Variants in PAQR3 observed in about 807,000 individuals in gnomAD.
The protein encoded by PAQR3 is progestin and adipoQ receptor family member 3.
A neutral mutation model predicts 41.7 loss-of-function variants in PAQR3; 39 were observed. The ratio of observed to expected loss-of-function variants is 0.93; its 90% CI spans 0.72 to 1.22. The LOEUF is 1.22. PAQR3 is among the 50% of genes most tolerant of loss of function. The pLI, the probability that PAQR3 is intolerant of heterozygous loss-of-function variation, is 0.00. For synonymous variants in PAQR3, 140 were observed against 140.6 expected (o/e 1.00, Z 0.03); for missense variants, 366 against 385.6 (o/e 0.95, Z 0.42).
In PAQR3 at chr4:78,915,550, C is replaced by T. The variant is rs1734972667; in HGVS notation, c.*4989G>A. On this transcript the variant is annotated 3_prime_UTR_variant, in exon 6 of 6. Coordinates refer to ENST00000512733, the MANE Select transcript of PAQR3 (RefSeq NM_001040202.2). Reference sequence around the variant, plus strand: ...CTACTGTGAGAATGAGATGACATATCTACTGTGAGAATACCATAAATGATG... The same window carrying T: ...CTACTGTGAGAATGAGATGACATATTTACTGTGAGAATACCATAAATGATG... 6.6e-6 allele frequency: 1 copy of T among 151,736 alleles called. No homozygotes were observed. The highest frequency in any genetic ancestry group is 1.9e-4 in the East Asian group (1 of 5,184). The allele number at this position is 151,736 out of a possible 1,614,324, so 9.4% of individuals were successfully genotyped here. A position where few individuals can be genotyped will look rare whatever the true frequency, so the allele number is the denominator to read the frequency against.
In PAQR3 at chr4:78,916,263, T is replaced by C. The variant is rs1735063418; in HGVS notation, c.*4276A>G. ...GAATTCTGTCCCTGATTCACTGTTT[T>C]GTTTGAAATTTAAAGTTATTTTCTT... On this transcript the variant is annotated 3_prime_UTR_variant, in exon 6 of 6. Coordinates refer to ENST00000512733, the MANE Select transcript of PAQR3 (RefSeq NM_001040202.2). 1 of 151,980 alleles carries C rather than the reference T, an allele frequency of 6.6e-6. No homozygotes were observed. Among genetic ancestry groups the C allele is most frequent in the Admixed American group, 6.6e-5 (1 of 15,218 alleles). The allele number at this position is 151,980 out of a possible 1,614,324, so 9.4% of individuals were successfully genotyped here.
intron 2 of PAQR3, chr4:78,932,935 A>T (rs965709941): frequency 3.3e-6 from 1 of 302,736 alleles, no homozygotes; most frequent in Admixed American, 4.0e-5. Context: ...CACTCCATCA[A>T]GGTAGACAGA....
intron 11 of PAQR3, among the ~76,000 whole-genome samples, chr4:78,895,882 C>A (rs780664792): frequency 4.4e-4 from 67 of 152,030 alleles, no homozygotes; most frequent in Admixed American, 2.0e-3. Context: ...CCACCTTAGC[C>A]TCCTAAGAAG....
Position 78,930,164 on chromosome 4 carries a change from A to G in PAQR3, c.504+6T>C. The G allele has an allele frequency of 6.2e-7, 1 of 1,602,440 alleles. No individual in the cohort carries two copies. The highest frequency in any genetic ancestry group is 8.5e-7 in the Non-Finnish European group (1 of 1,176,168). Reference sequence around the variant, plus strand: ...GGTCGAATGTAAAATGTTTTCATCTACTTACGTTATTACAATAAAATGCGT... The same window carrying G: ...GGTCGAATGTAAAATGTTTTCATCTGCTTACGTTATTACAATAAAATGCGT... On this transcript the variant is annotated splice_donor_region_variant and intron_variant, in intron 3 of 5. Transcript: ENST00000512733.
At chr4:78,938,702 A>G (rs1737698157) in intron 1 of PAQR3, among the ~76,000 whole-genome samples, 1 of 152,100 alleles carries the variant, frequency 6.6e-6, no homozygotes, top group African/African-American at 2.4e-5. Flanking sequence ...AAAGAAAGGT[A>G]TACACCGGGC....
At chr4:78,892,443 C>A (rs1431309230) in intron 11 of PAQR3, among the ~76,000 whole-genome samples, 1 of 152,014 alleles carries the variant, frequency 6.6e-6, no homozygotes, top group African/African-American at 2.4e-5. Flanking sequence ...GTTTTTATAC[C>A]TAATGGTAGT....
At chr4:78,899,301 T>G (rs571748835) in intron 11 of PAQR3, 1 of 152,354 alleles carries the variant, frequency 6.6e-6, no homozygotes, top group East Asian at 1.9e-4. Context: ...GATTAGCAGA[T>G]TTTTGTTTCA....
chr4:78,913,353 A>C lies in PAQR3; in HGVS notation c.*7186T>G, dbSNP rs1176570626. The C allele has an allele frequency of 6.6e-6, 1 of 152,124 alleles. No individual in the cohort carries two copies. The highest frequency in any genetic ancestry group is 2.4e-5 in the African/African-American group (1 of 41,454). The allele number at this position is 152,124 out of a possible 1,614,324, so 9.4% of individuals were successfully genotyped here. A position where few individuals can be genotyped will look rare whatever the true frequency, so the allele number is the denominator to read the frequency against. ...CAATTTGCCTTTTTTTACACCACAA[A>C]TCCTAATTAGAAACTTGAGGTTTTA... On this transcript the variant is annotated 3_prime_UTR_variant, in exon 6 of 6. Coordinates refer to ENST00000512733, the MANE Select transcript of PAQR3 (RefSeq NM_001040202.2).
chr4:78,927,243 A>T (rs1227236274), intron 3 of PAQR3, among the ~76,000 whole-genome samples: 1 of 152,234 alleles, frequency 6.6e-6, no homozygotes, highest in Admixed American at 6.5e-5. Flanking sequence ...CAGCAAATGC[A>T]GCAGGAAGTT....
At chr4:78,921,356 A>G (rs1735640641) in intron 5 of PAQR3, among the ~76,000 whole-genome samples, 1 of 151,970 alleles carries the variant, frequency 6.6e-6, no homozygotes, top group Non-Finnish European at 1.5e-5. Context: ...ATACAGAGCT[A>G]TAATAATTTC....
chr4:78,901,017 A>T (rs1289099068), intron 11 of PAQR3, among the ~76,000 whole-genome samples: 3 of 152,148 alleles, frequency 2.0e-5, no homozygotes, highest in African/African-American at 7.2e-5. Context: ...ATCACAGATT[A>T]ACCATTTGAT....
In PAQR3 at chr4:78,915,015, T is replaced by C. The variant is rs565012350; in HGVS notation, c.*5524A>G. 1 of 152,172 alleles carries C rather than the reference T, an allele frequency of 6.6e-6. No homozygotes were observed. Among genetic ancestry groups the C allele is most frequent in the African/African-American group, 2.4e-5 (1 of 41,548 alleles). 9.4% of individuals were successfully genotyped at this position (152,172 alleles called of 1,614,324 possible). ...GCTTTTTATGGCATTGAAGAATGTA[T>C]CTGCTAAGACACAAAAATTGCATGG... On this transcript the variant is annotated 3_prime_UTR_variant, in exon 6 of 6. Transcript: ENST00000512733.
chr4:78,936,555 T>C (rs1737446446), intron 1 of PAQR3, among the ~76,000 whole-genome samples: 2 of 152,210 alleles, frequency 1.3e-5, no homozygotes, highest in African/African-American at 4.8e-5. Flanking sequence ...ACATGATGTA[T>C]ATAGCAAGGT....
chr4:78,918,092 C>CACAACCATATAAATTGCTAGACAATTTAA lies in PAQR3; in HGVS notation c.*2418_*2446dup, dbSNP rs1376160820. The CACAACCATATAAATTGCTAGACAATTTAA allele has an allele frequency of 8.2e-6, 8 of 975,344 alleles. No homozygotes were observed. In the African/African-American group the frequency reaches 1.4e-4, roughly 17 times the overall value. 60.4% of individuals were successfully genotyped at this position (975,344 alleles called of 1,614,324 possible). On this transcript the variant is annotated 3_prime_UTR_variant, in exon 6 of 6. Transcript: ENST00000512733. ...ATAATTGTTTCTTAAATGAGTTAAC[C>CACAACCATATAAATTGCTAGACAATTTAA]ACAACCATATAAATTGCTAGACAAT...
intron 4 of PAQR3, 85 bp from the exon 5 acceptor site, chr4:78,924,032 G>A: frequency 9.6e-7 from 1 of 1,041,684 alleles, no homozygotes; most frequent in South Asian, 1.4e-5. Flanking sequence ...TGGGATTTAA[G>A]ATTGTTAAAT....
chr4:78,895,606 TAAG>T (rs1390374851), intron 11 of PAQR3, among the ~76,000 whole-genome samples: 1 of 150,832 alleles, frequency 6.6e-6, no homozygotes, highest in African/African-American at 2.4e-5. Context: ...TGGGAAAAAA[TAAG>T]AAGATGGATC....
At position 78,917,900 on chromosome 4, in the gene PAQR3, C is replaced by CTGT. The variant is rs1306521699; in HGVS notation, c.*2636_*2638dup. ...CTGATTCTAAAATATGATTTTAAAG[C>CTGT]TGTTATGTATTACAAAGAATGACAA... On this transcript the variant is annotated 3_prime_UTR_variant, in exon 6 of 6. Coordinates refer to ENST00000512733, the MANE Select transcript of PAQR3 (RefSeq NM_001040202.2). 25 of 984,218 alleles carry CTGT rather than the reference C, an allele frequency of 2.5e-5. No individual in the cohort carries two copies. Among genetic ancestry groups the CTGT allele is most frequent in the East Asian group, 1.1e-4 (1 of 8,820 alleles). 61.0% of individuals were successfully genotyped at this position (984,218 alleles called of 1,614,324 possible).
Position 78,918,774 on chromosome 4 carries a change from CTT to C in PAQR3, c.*1763_*1764del. The C allele has an allele frequency of 1.0e-6, 1 of 984,076 alleles. No individual in the cohort carries two copies. The highest frequency in any genetic ancestry group is 1.2e-6 in the Non-Finnish European group (1 of 828,898). 61.0% of individuals were successfully genotyped at this position (984,076 alleles called of 1,614,324 possible). On this transcript the variant is annotated 3_prime_UTR_variant, in exon 6 of 6. Coordinates refer to ENST00000512733, the MANE Select transcript of PAQR3 (RefSeq NM_001040202.2). ...ATAATGATTTTCCCCTCATTTTTAA[CTT>C]AAGTGTAACTACTCAGTGTCTTTTG...
downstream of PAQR3, among the ~76,000 whole-genome samples, chr4:78,908,447 A>G (rs967927070): frequency 1.3e-4 from 20 of 152,096 alleles, no homozygotes; most frequent in African/African-American, 4.8e-4. Flanking sequence ...TTTGTTTTGT[A>G]TGTTCATCTT....
Sources: gnomAD v4.1 joint callset for allele counts (sites outside exome capture counted in the v4.1 genomes callset) on GRCh38, gnomAD v4.1.1 for gene constraint, MANE v1.5 for transcripts, NCBI Gene and HGNC (gene_info 2026-07-23, HGNC 2026-07-21) for gene names.